PCDHA9: variants seen among roughly 807,000 people sequenced by gnomAD.
The protein encoded by PCDHA9 is protocadherin alpha-9.
PCDHA9 carries 62 observed loss-of-function variants against 62.0 expected under a neutral mutation model. The observed-to-expected ratio is 1.00, with a 90% CI of 0.81 to 1.23. The LOEUF is 1.23. PCDHA9 is among the 50% of genes most tolerant of loss of function. The pLI is 0.00. For missense variants in PCDHA9, 1,205 were observed against 1,249.8 expected, an observed-to-expected ratio of 0.96 and a Z score of 0.54; for synonymous variants, 557 against 567.6, an observed-to-expected ratio of 0.98 and a Z score of 0.27.
At chr5:140,909,966 G>C (rs1583724116) in intron 1 of PCDHA9, among the ~76,000 whole-genome samples, 1 of 152,202 alleles carries the variant, frequency 6.6e-6, no homozygotes, top group African/African-American at 2.4e-5. Flanking sequence ...TCTCCATGGG[G>C]AAGGATGGGA....
At chr5:140,870,794 T>C in intron 1 of PCDHA9, 2 of 1,613,684 alleles carry the variant, frequency 1.2e-6, no homozygotes, top group South Asian at 2.2e-5. Context: ...GCGCCGGCAC[T>C]GCTGGCGACT....
At chr5:140,853,040 G>C in intron 1 of PCDHA9, 2 of 265,518 alleles carry the variant, frequency 7.5e-6, no homozygotes, top group Non-Finnish European at 1.2e-5. Context: ...CACCATGCCC[G>C]CCTAATTTTT....
intron 1 of PCDHA9, chr5:140,877,468 C>A (rs781957457): frequency 6.2e-7 from 1 of 1,613,810 alleles, no homozygotes; most frequent in South Asian, 1.1e-5. Flanking sequence ...GGCCACGGTG[C>A]TGGTGTCGCT....
intron 1 of PCDHA9, among the ~76,000 whole-genome samples, chr5:140,893,581 T>C (rs1224207477): frequency 1.3e-5 from 2 of 152,216 alleles, no homozygotes; most frequent in African/African-American, 4.8e-5. Context: ...TTTTTGCTTG[T>C]TTGGGAAATA....
intron 1 of PCDHA9, among the ~76,000 whole-genome samples, chr5:140,959,927 C>A (rs1554224406): frequency 6.6e-6 from 1 of 152,038 alleles, no homozygotes; most frequent in African/African-American, 2.4e-5. Flanking sequence ...TTGTAAAGCC[C>A]CATTACTTAG....
chr5:140,981,037 A>T (rs1427761331), intron 2 of PCDHA9, among the ~76,000 whole-genome samples: 1 of 152,204 alleles, frequency 6.6e-6, no homozygotes, highest in Non-Finnish European at 1.5e-5. Context: ...TTTGGGGAAA[A>T]AAAACAGATA....
Position 140,852,810 on chromosome 5 carries a change from C to T in PCDHA9, c.2394+1921C>T, listed in dbSNP as rs2150522687. On this transcript the variant is annotated intron_variant, in intron 1 of 3. Transcript: ENST00000532602. The stretch of plus-strand genomic sequence containing the variant: ...GATGCTACAGATGTCATTTGTCTCC[C>T]GCCCTAAGTCCTCCAGTCTCCTTAG... 3.4e-5 allele frequency: 33 copies of T among 973,688 alleles called. 1 individual carries two copies. The highest frequency in any genetic ancestry group is 1.4e-4 in the South Asian group (3 of 20,896). The allele number at this position is 973,688 out of a possible 1,614,324, so 60.3% of individuals were successfully genotyped here. A position where few individuals can be genotyped will look rare whatever the true frequency, so the allele number is the denominator to read the frequency against.
chr5:140,941,202 C>CTTTCTTTCTTTCTCT (rs1554213921), intron 1 of PCDHA9, among the ~76,000 whole-genome samples: 1 of 122,742 alleles, frequency 8.1e-6, no homozygotes, highest in African/African-American at 3.0e-5. Context: ...TTTCTTTCTT[C>CTTTCTTTCTTTCTCT]CTTTCTTTCT....
chr5:140,850,754 G>A lies in PCDHA9; in HGVS notation c.2259G>A (p.Gln753=), dbSNP rs2150497154. 7 of 1,598,000 alleles carry A rather than the reference G, an allele frequency of 4.4e-6. 1 individual carries two copies. In the African/African-American group the frequency reaches 6.7e-5, roughly 15 times the overall value. Residue 753 remains glutamine, a synonymous_variant, in exon 1 of 4, where the codon CAG becomes CAA. Transcript: ENST00000532602. ...SAVGSWSYSQ[Q]RRQRVCSGEG... is the part of the protein sequence containing the mutation. ...TGGGGAGTTGGTCGTACTCGCAGCA[G>A]AGGAGGCAGAGGGTGTGCTCTGGCG...
intron 1 of PCDHA9, among the ~76,000 whole-genome samples, chr5:140,886,642 A>T (rs1412113366): frequency 6.6e-6 from 1 of 152,048 alleles, no homozygotes; most frequent in African/African-American, 2.4e-5. Flanking sequence ...CCTGGCCAAC[A>T]TGGTGAAACC....
At chr5:141,007,970 T>C (rs986378123) in intron 3 of PCDHA9, among the ~76,000 whole-genome samples, 3 of 152,248 alleles carry the variant, frequency 2.0e-5, no homozygotes, top group Admixed American at 6.5e-5. Flanking sequence ...TCTGGGTGTC[T>C]GTCATGTATA....
At chr5:140,972,754 CCCAAG>C (rs1290105832) in intron 1 of PCDHA9, among the ~76,000 whole-genome samples, 1 of 151,316 alleles carries the variant, frequency 6.6e-6, no homozygotes, top group African/African-American at 2.4e-5. Context: ...ACCTCCGCCT[CCCAAG>C]TTAAAGTGAT....
chr5:140,936,448 T>A (rs1477787930), intron 1 of PCDHA9, among the ~76,000 whole-genome samples: 1 of 152,210 alleles, frequency 6.6e-6, no homozygotes, highest in Non-Finnish European at 1.5e-5. Context: ...AATAACCACA[T>A]CTGTTTAGTG....
At chr5:140,968,578 C>T in intron 1 of PCDHA9, 3 of 1,614,206 alleles carry the variant, frequency 1.9e-6, no homozygotes, top group Non-Finnish European at 2.5e-6. Context: ...GCTACCTGGT[C>T]ACCAAAGTCA....
intron 1 of PCDHA9, chr5:140,882,955 C>T: frequency 6.2e-7 from 1 of 1,614,178 alleles, no homozygotes; most frequent in East Asian, 2.2e-5. Context: ...TTCAGCTGCT[C>T]ATCACGATTC....
chr5:140,896,615 G>A (rs1293256212), intron 1 of PCDHA9, among the ~76,000 whole-genome samples: 4 of 151,782 alleles, frequency 2.6e-5, no homozygotes, highest in African/African-American at 9.7e-5. Context: ...GGTCTTAAGT[G>A]ATCCACCTGC....
At chr5:140,913,318 T>C (rs953831117) in intron 1 of PCDHA9, among the ~76,000 whole-genome samples, 1 of 152,188 alleles carries the variant, frequency 6.6e-6, no homozygotes, top group African/African-American at 2.4e-5. Flanking sequence ...CTTGGTAAGT[T>C]GTATGTGTCT....
intron 1 of PCDHA9, among the ~76,000 whole-genome samples, chr5:140,898,608 T>G (rs1208473607): frequency 7.2e-5 from 11 of 152,362 alleles, no homozygotes; most frequent in African/African-American, 2.6e-4. Flanking sequence ...TAGTATAGTT[T>G]GAAGTCAGGT....
chr5:140,871,092 C>T lies in PCDHA9; in HGVS notation c.2394+20203C>T, dbSNP rs575877743. 10 of 1,613,260 alleles carry T rather than the reference C, an allele frequency of 6.2e-6. No homozygotes were observed. The Admixed American group carries it at 8.3e-5, about 13-fold the overall frequency. ...AGCCGGCGCTGACGGCCACGGCCAC[C>T]GTGCTGGTGTCGTTGGTGGAGAGCG... is the stretch of plus-strand genomic sequence containing the variant. On this transcript the variant is annotated intron_variant, in intron 1 of 3. Transcript: ENST00000532602.
Sources: gnomAD v4.1 joint callset for allele counts (sites outside exome capture counted in the v4.1 genomes callset) on GRCh38, gnomAD v4.1.1 for gene constraint, MANE v1.5 for transcripts, NCBI Gene and HGNC (gene_info 2026-07-23, HGNC 2026-07-21) for gene names.